DACH2: variants seen among roughly 807,000 people sequenced by gnomAD.
DACH2 encodes dachshund homolog 2.
In DACH2, 17 loss-of-function variants were observed where a neutral mutation model predicts 35.8. The observed-to-expected ratio is 0.48, with a 90% CI of 0.33 to 0.71. DACH2 has a LOEUF of 0.71. Among genes scored for constraint, DACH2 ranks in the 30% least tolerant of loss-of-function variants. The probability of loss-of-function intolerance (pLI) is 0.02; values close to 1 mark genes in which losing one functional copy is unlikely to be tolerated. For missense variants in DACH2, 469 were observed against 472.7 expected, an observed-to-expected ratio of 0.99 and a Z score of 0.07; for synonymous variants, 195 against 177.3, an observed-to-expected ratio of 1.10 and a Z score of -0.79.
At chrX:86,754,251 C>A (rs1314057284) in intron 7 of DACH2, among the ~76,000 whole-genome samples, 2 of 109,684 alleles carry the variant, frequency 1.8e-5, no homozygotes, top group Non-Finnish European at 3.8e-5. Context: ...AAGTACTGAA[C>A]TGAAAAATAA....
intron 3 of DACH2, among the ~76,000 whole-genome samples, chrX:86,646,979 A>G (rs1203502549): frequency 9.1e-6 from 1 of 109,820 alleles, no homozygotes; most frequent in Non-Finnish European, 1.9e-5. Context: ...ATGAGATATC[A>G]CCTCACACTT....
At chrX:86,810,188 TC>T (rs1235904970) in intron 7 of DACH2, among the ~76,000 whole-genome samples, 1 of 111,810 alleles carries the variant, frequency 8.9e-6, no homozygotes, top group Non-Finnish European at 1.9e-5. Context: ...GGCATTTTTT[TC>T]ATCTTCAAAT....
chrX:86,470,169 C>T (rs2037740894), intron 2 of DACH2, among the ~76,000 whole-genome samples: 1 of 110,341 alleles, frequency 9.1e-6, no homozygotes, highest in African/African-American at 3.3e-5. Context: ...TGTAGGTCTG[C>T]ATGGGGCAAG....
chrX:86,372,126 A>G, intron 1 of DACH2, among the ~76,000 whole-genome samples: 1 of 111,201 alleles, frequency 9.0e-6, no homozygotes, highest in Middle Eastern at 4.7e-3. Context: ...ACTCTGAATG[A>G]TATTGTATCT....
intron 7 of DACH2, among the ~76,000 whole-genome samples, chrX:86,766,711 G>A (rs1185638556): frequency 8.9e-6 from 1 of 111,850 alleles, no homozygotes; most frequent in East Asian, 2.8e-4. Context: ...AGGCTTTCAA[G>A]GCCCAATTAC....
At chrX:86,740,010 T>G in intron 7 of DACH2, 128 bp downstream of exon 7, 1 of 626,095 alleles carries the variant, frequency 1.6e-6, no homozygotes, top group East Asian at 3.9e-5. Flanking sequence ...TTTTTGAAAT[T>G]TGGTCTTTTG....
At chrX:86,458,312 TA>T in intron 2 of DACH2, among the ~76,000 whole-genome samples, 1 of 112,062 alleles carries the variant, frequency 8.9e-6, no homozygotes, top group Non-Finnish European at 1.9e-5. Context: ...ACATTCATGA[TA>T]GGAATTGTGT....
intron 3 of DACH2, among the ~76,000 whole-genome samples, chrX:86,627,003 G>A (rs922964236): frequency 8.9e-6 from 1 of 112,511 alleles, no homozygotes; most frequent in Non-Finnish European, 1.9e-5. Flanking sequence ...ATTTCTCTCA[G>A]AAAGTGTTTT....
At position 86,161,186 on chromosome X, in the gene DACH2, A is replaced by G. The variant is rs961479291; in HGVS notation, c.488+12078A>G. On this transcript the variant is annotated intron_variant, in intron 1 of 11. Transcript: ENST00000373125. Reference sequence around the variant, plus strand: ...TCTGGCTGCAGGGTGGCTCAGTGGAATCCATTTTGTTAACACCAACAATTA... The same window carrying G: ...TCTGGCTGCAGGGTGGCTCAGTGGAGTCCATTTTGTTAACACCAACAATTA... 4.3e-6 allele frequency: 5 copies of G among 1,169,133 alleles called. No homozygotes were observed. The African/African-American group carries it at 8.9e-5, about 21-fold the overall frequency.
At chrX:86,719,336 A>G (rs1447196636) in intron 6 of DACH2, among the ~76,000 whole-genome samples, 7 of 112,135 alleles carry the variant, frequency 6.2e-5, no homozygotes, top group Admixed American at 4.7e-4. Context: ...TACTAAACTA[A>G]TTTCTCAAAT....
intron 2 of DACH2, among the ~76,000 whole-genome samples, chrX:86,397,555 G>A (rs1274139652): frequency 1.8e-5 from 2 of 111,412 alleles, no homozygotes; most frequent in Admixed American, 9.6e-5. Flanking sequence ...ATTATTTTGA[G>A]ATACGTCCCA....
chrX:86,538,015 A>G (rs1194910282), intron 3 of DACH2, among the ~76,000 whole-genome samples: 1 of 110,535 alleles, frequency 9.0e-6, no homozygotes, highest in Non-Finnish European at 1.9e-5. Context: ...CAAATCCTAT[A>G]AAATGGCCCT....
intron 6 of DACH2, among the ~76,000 whole-genome samples, chrX:86,716,947 G>T (rs775244045): frequency 2.2e-4 from 25 of 111,909 alleles, no homozygotes; most frequent in Non-Finnish European, 4.1e-4. Context: ...GGCGAAATTA[G>T]ATCACATGCT....
chrX:86,698,364 C>A (rs1298650456), intron 5 of DACH2, among the ~76,000 whole-genome samples: 1 of 108,528 alleles, frequency 9.2e-6, no homozygotes, highest in Non-Finnish European at 1.9e-5. Context: ...TACCAGTAGA[C>A]CTGCATCGCA....
At chrX:86,609,442 T>G (rs143710953) in intron 3 of DACH2, among the ~76,000 whole-genome samples, 2,890 of 112,367 alleles carry the variant, frequency 0.026, 115 homozygotes, top group African/African-American at 0.089. Flanking sequence ...TCATATATCT[T>G]GATTTCTCCT....
chrX:86,653,568 T>C (rs569257644), intron 4 of DACH2, among the ~76,000 whole-genome samples: 2 of 111,434 alleles, frequency 1.8e-5, no homozygotes, highest in South Asian at 7.5e-4. Flanking sequence ...GAAATGTTTT[T>C]CCATTCAGTA....
At chrX:86,271,830 T>C (rs1051859730) in intron 1 of DACH2, among the ~76,000 whole-genome samples, 3 of 111,910 alleles carry the variant, frequency 2.7e-5, no homozygotes, top group African/African-American at 9.7e-5. Context: ...CTACACTAAA[T>C]GTACTTTTTG....
intron 1 of DACH2, among the ~76,000 whole-genome samples, chrX:86,256,385 A>G (rs190400118): frequency 1.3e-3 from 146 of 111,843 alleles, no homozygotes; most frequent in African/African-American, 4.6e-3. Context: ...ATTATAATAA[A>G]AGAAAAATAT....
At chrX:86,765,072 AT>A (rs749327592) in intron 7 of DACH2, among the ~76,000 whole-genome samples, 1 of 109,777 alleles carries the variant, frequency 9.1e-6, no homozygotes, top group Admixed American at 9.7e-5. Context: ...TTTTAAGTGG[AT>A]TTTTTTTGTT....
Sources: gnomAD v4.1 joint callset for allele counts (sites outside exome capture counted in the v4.1 genomes callset) on GRCh38, gnomAD v4.1.1 for gene constraint, MANE v1.5 for transcripts, NCBI Gene and HGNC (gene_info 2026-07-23, HGNC 2026-07-21) for gene names.